The following RP1 variants were observed in gnomAD, a reference collection of about 807,000 sequenced individuals.
RP1 encodes the protein RP1 axonemal microtubule associated.
In RP1, 16 loss-of-function variants were observed where a neutral mutation model predicts 14.8. That is an observed-to-expected ratio of 1.08 (90% confidence interval 0.73 to 1.65). The LOEUF (loss-of-function observed/expected upper bound fraction) is 1.65, where lower values mean the gene tolerates loss of function less well. RP1 is among the 40% of genes most tolerant of loss of function. The pLI is 0.00. For synonymous variants in RP1, 876 were observed against 883.6 expected (o/e 0.99, Z 0.15); for missense variants, 2,631 against 2,535.0 (o/e 1.04, Z -0.81).
chr8:54,745,598 A>G (rs1467223096), intron 19 of RP1, among the ~76,000 whole-genome samples: 3 of 152,144 alleles, frequency 2.0e-5, no homozygotes, highest in African/African-American at 7.2e-5. Context: ...AGGCATTCCT[A>G]AAATTGTTCC....
chr8:54,767,570 G>A (rs562489988), intron 22 of RP1, among the ~76,000 whole-genome samples: 113 of 152,188 alleles, frequency 7.4e-4, no homozygotes, highest in Non-Finnish European at 1.2e-3. Flanking sequence ...ATGTTGGCCA[G>A]GCTGGTCTTG....
exon 23 of RP1, chr8:54,769,753 C>T: frequency 6.5e-7 from 1 of 1,531,288 alleles, no homozygotes; most frequent in Non-Finnish European, 8.7e-7. Flanking sequence ...GGCTTCCTTT[C>T]ATGTCTCAGG....
chr8:54,864,784 G>A (rs1718929080), intron 27 of RP1, among the ~76,000 whole-genome samples: 1 of 152,158 alleles, frequency 6.6e-6, no homozygotes, highest in Non-Finnish European at 1.5e-5. Context: ...TTGATAAGTG[G>A]TAGGGTGATT....
intron 22 of RP1, among the ~76,000 whole-genome samples, chr8:54,767,355 T>C (rs1177558405): frequency 2.0e-5 from 3 of 151,810 alleles, no homozygotes; most frequent in Admixed American, 2.0e-4. Flanking sequence ...ATTTAAAGTC[T>C]GTATTCTTTT....
intron 25 of RP1, among the ~76,000 whole-genome samples, chr8:54,849,664 C>A (rs1015562548): frequency 3.9e-5 from 6 of 152,042 alleles, no homozygotes; most frequent in Non-Finnish European, 8.8e-5. Flanking sequence ...TGAAAATAAA[C>A]CTGCAGGTGA....
In RP1 at chr8:54,827,898, C is replaced by CA. The variant is rs34407193; in HGVS notation, c.3616-9542dup. On this transcript the variant is annotated intron_variant, in intron 24 of 28. Coordinates refer to the RP1 transcript ENST00000637698. ...GGGCGACAAGAGCAAAACTACGTCT[C>CA]AAAAAAAAAAGTAGTAATTATTTTT... Among the ~76,000 whole-genome samples the CA allele has an allele frequency of 7.8e-3, 1,159 of 148,558 alleles. 6 individuals carry two copies. Among genetic ancestry groups the CA allele is most frequent in the African/African-American group, 0.014 (548 of 40,414 alleles).
At chr8:54,856,221 A>C (rs1008026389) in intron 26 of RP1, among the ~76,000 whole-genome samples, 1 of 152,158 alleles carries the variant, frequency 6.6e-6, no homozygotes, top group African/African-American at 2.4e-5. Context: ...GATTCTGTTG[A>C]TATATGGTCC....
At chr8:54,830,748 G>A (rs1811499691) in intron 24 of RP1, among the ~76,000 whole-genome samples, 1 of 152,084 alleles carries the variant, frequency 6.6e-6, no homozygotes, top group African/African-American at 2.4e-5. Flanking sequence ...GTACCATTCA[G>A]TGGCAGTTAG....
exon 21 of RP1, chr8:54,755,664 C>T (rs1471570403): frequency 6.5e-7 from 1 of 1,535,962 alleles, no homozygotes; most frequent in East Asian, 2.4e-5. Flanking sequence ...CTGAAGCATG[C>T]AGAGACGGAG....
chr8:54,704,956 A>G (rs1162165592), intron 14 of RP1, among the ~76,000 whole-genome samples: 1 of 152,194 alleles, frequency 6.6e-6, no homozygotes, highest in Non-Finnish European at 1.5e-5. Context: ...TGACCACATC[A>G]TTTATTATTT....
intron 13 of RP1, among the ~76,000 whole-genome samples, chr8:54,700,529 T>A (rs537245015): frequency 2.0e-5 from 3 of 152,164 alleles, no homozygotes; most frequent in Non-Finnish European, 2.9e-5. Flanking sequence ...TACACTGTAG[T>A]TCATAGCACA....
chr8:54,641,241 G>A (rs1467009170), intron 3 of RP1, among the ~76,000 whole-genome samples: 2 of 152,008 alleles, frequency 1.3e-5, no homozygotes, highest in Non-Finnish European at 2.9e-5. Context: ...CACTGCGTCC[G>A]GCCATAATTC....
At chr8:54,748,218 T>G (rs2129362983) in intron 19 of RP1, among the ~76,000 whole-genome samples, 1 of 152,332 alleles carries the variant, frequency 6.6e-6, no homozygotes, top group South Asian at 2.1e-4. Context: ...TCTAGTTCCT[T>G]TTCATTTCCA....
intron 1 of RP1, among the ~76,000 whole-genome samples, chr8:54,608,404 A>T (rs1016867097): frequency 4.6e-5 from 7 of 152,190 alleles, no homozygotes; most frequent in African/African-American, 1.7e-4. Flanking sequence ...GGGAGCATAT[A>T]GAAGCCCTCT....
rs192854050 is a variant in RP1 at position 54,602,577 on chromosome 8, G to T, written c.-12-18378G>T. On this transcript the variant is annotated intron_variant, in intron 1 of 22. Transcript: ENST00000636932. Reference sequence around the variant, plus strand: ...AGTAATGGGATGGCTGGGTCAAATGGTATTTCTAGTTCTAGATCCCTGAGG... The same window carrying T: ...AGTAATGGGATGGCTGGGTCAAATGTTATTTCTAGTTCTAGATCCCTGAGG... Among the ~76,000 whole-genome samples the T allele has an allele frequency of 5.1e-4, 78 of 152,254 alleles. No homozygotes were observed. The East Asian group carries it at 0.013, about 26-fold the overall frequency.
Position 54,724,113 on chromosome 8 carries a change from C to G in RP1, c.2390-2232C>G, listed in dbSNP as rs528571628. Among the ~76,000 whole-genome samples, 78 of 152,086 alleles carry G rather than the reference C, an allele frequency of 5.1e-4. 1 individual carries two copies. Among genetic ancestry groups the G allele is most frequent in the Admixed American group, 2.2e-3 (33 of 15,264 alleles). ...CATTTTATTTTTGCTTCATTCTAGTCTGCTAAGATCATTCAAGCATAAAAA... is the reference window on the plus strand; with the variant it reads ...CATTTTATTTTTGCTTCATTCTAGTGTGCTAAGATCATTCAAGCATAAAAA... On this transcript the variant is annotated intron_variant, in intron 16 of 22. Transcript: ENST00000636932.
intron 24 of RP1, among the ~76,000 whole-genome samples, chr8:54,800,805 A>T (rs970776693): frequency 6.6e-6 from 1 of 152,212 alleles, no homozygotes; most frequent in Non-Finnish European, 1.5e-5. Context: ...TAGTTATATT[A>T]AATTTCTTGT....
chr8:54,758,690 GA>G (rs1267289604), intron 21 of RP1, among the ~76,000 whole-genome samples: 1 of 152,060 alleles, frequency 6.6e-6, no homozygotes, highest in Non-Finnish European at 1.5e-5. Context: ...TACAAATGGA[GA>G]AAATAAAACT....
intron 16 of RP1, among the ~76,000 whole-genome samples, chr8:54,722,196 C>T (rs1288800520): frequency 6.8e-6 from 1 of 147,180 alleles, no homozygotes; most frequent in African/African-American, 2.6e-5. Flanking sequence ...CGCTCCCCTG[C>T]ACTCTAGCTC....
Sources: allele counts gnomAD v4.1 joint callset (sites outside exome capture counted in the v4.1 genomes callset), GRCh38; gene constraint gnomAD v4.1.1; transcripts MANE v1.5; gene names NCBI Gene and HGNC (gene_info 2026-07-23, HGNC 2026-07-21).